The following PLXNB2 variants were observed in gnomAD, a reference collection of about 807,000 sequenced individuals.
PLXNB2 encodes the protein plexin B2, also known as plexin-B2.
PLXNB2 carries 85 observed loss-of-function variants against 202.6 expected under a neutral mutation model. The observed-to-expected ratio is 0.42, with a 90% CI of 0.35 to 0.50. The LOEUF is 0.50. Among genes scored for constraint, PLXNB2 ranks in the 20% least tolerant of loss-of-function variants. The probability of loss-of-function intolerance (pLI) is 0.02; values close to 1 mark genes in which losing one functional copy is unlikely to be tolerated. For missense variants in PLXNB2, 2,063 were observed against 2,586.2 expected, an observed-to-expected ratio of 0.80 and a Z score of 4.39; for synonymous variants, 1,239 against 1,137.6, an observed-to-expected ratio of 1.09 and a Z score of -1.79.
chr22:50,277,204 G>A lies in PLXNB2; in HGVS notation c.5197-298C>T, dbSNP rs1487365528. ...TAGTCCCAGCTACTCAGGAGGCAGC[G>A]GCGGGAAAATCGCTTGAACCTAGAA... On this transcript the variant is annotated intron_variant, in intron 33 of 36. Transcript: ENST00000359337. 4.6e-5 allele frequency among the ~76,000 whole-genome samples: 7 copies of A among 152,072 alleles called. 1 individual carries two copies. Among genetic ancestry groups the A allele is most frequent in the African/African-American group, 9.7e-5 (4 of 41,382 alleles).
intron 1 of PLXNB2, among the ~76,000 whole-genome samples, chr22:50,306,208 C>T (rs967666833): frequency 3.3e-5 from 5 of 152,194 alleles, no homozygotes; most frequent in African/African-American, 4.8e-5. Flanking sequence ...GGCAAGGAAC[C>T]CCTGGCCAGA....
chr22:50,278,885 A>T lies in PLXNB2; in HGVS notation c.4516T>A (p.Cys1506Ser). The change falls in exon 28 of 37, where the codon TGC (cysteine) becomes AGC (serine). Residue 1506 changes from cysteine (C) to serine (S), a missense_variant. Coordinates refer to ENST00000359337, the MANE Select transcript of PLXNB2 (RefSeq NM_012401.4). ...DQVYRGQPCS[C>S]WPRPDSVVLE... ...ACCACGCTGTCTGGCCTGGGCCAGCAGGAGCAGGGCTGCCCACGGTACACC... is the reference window on the plus strand; with the variant it reads ...ACCACGCTGTCTGGCCTGGGCCAGCTGGAGCAGGGCTGCCCACGGTACACC... The T allele has an allele frequency of 1.9e-6, 3 of 1,612,920 alleles. No individual in the cohort carries two copies. Among genetic ancestry groups the T allele is most frequent in the Non-Finnish European group, 2.5e-6 (3 of 1,179,454 alleles).
chr22:50,280,104 C>T, intron 25 of PLXNB2, 33 bp from the exon 26 acceptor site: 5 of 1,537,850 alleles, frequency 3.3e-6, no homozygotes, highest in Non-Finnish European at 3.5e-6. Context: ...TACCGAGTGA[C>T]CCCGTAGTAT....
intron 1 of PLXNB2, among the ~76,000 whole-genome samples, chr22:50,306,392 A>G (rs62241216): frequency 0.55 from 83,979 of 152,052 alleles, 24,060 homozygotes; most frequent in African/African-American, 0.71. Context: ...GCCCTCCGGG[A>G]GACCCTCACC....
In PLXNB2 at chr22:50,282,692, G is replaced by A. The variant is rs528477713; in HGVS notation, c.2987+19C>T. On this transcript the variant is annotated intron_variant, in intron 18 of 36. Transcript: ENST00000359337. The stretch of plus-strand genomic sequence containing the variant: ...CTGGGTGTGGGGAGCAGAGGGGGGC[G>A]GGGGGACACCAGCCTCACCTGGCAA... 28 of 1,563,250 alleles carry A rather than the reference G, an allele frequency of 1.8e-5. No homozygotes were observed. The highest frequency in any genetic ancestry group is 9.2e-5 in the East Asian group (4 of 43,306).
rs527357153 is a variant in PLXNB2, at chr22:50,288,896, G to A, written c.1252-25C>T. 2 of 1,612,918 alleles carry A rather than the reference G, an allele frequency of 1.2e-6. No individual in the cohort carries two copies. The highest frequency in any genetic ancestry group is 2.2e-5 in the East Asian group (1 of 44,862). ...CCTGTGTGCGCGAGGGCAGGCCGGT[G>A]AGGGTACGGGCCTTGTGCACAGACG... On this transcript the variant is annotated intron_variant, in intron 4 of 36. Coordinates refer to ENST00000359337, the MANE Select transcript of PLXNB2 (RefSeq NM_012401.4). The surrounding 1 kb of genome is among the most constrained non-coding windows in gnomAD (Gnocchi z 5.0).
At position 50,277,581 on chromosome 22, in the gene PLXNB2, C is replaced by T. The variant is rs139527301; in HGVS notation, c.5196+10G>A. On this transcript the variant is annotated intron_variant, in intron 33 of 36. Transcript: ENST00000359337. ...CCTCCCTGCCCCAGACCTGCCCCCA[C>T]CCCACTCACGCGGCTCAGCTTATGC... The T allele has an allele frequency of 0.019, 29,106 of 1,556,552 alleles. 337 individuals carry two copies. The highest frequency in any genetic ancestry group is 0.022 in the Non-Finnish European group (25,186 of 1,147,222).
chr22:50,292,951 C>CT (rs1342721997), intron 2 of PLXNB2, among the ~76,000 whole-genome samples: 1 of 134,880 alleles, frequency 7.4e-6, no homozygotes, highest in East Asian at 2.0e-4. Flanking sequence ...TGCTCAGCTG[C>CT]TGCCCAACCC....
At chr22:50,305,212 C>A (rs533839538) in intron 1 of PLXNB2, among the ~76,000 whole-genome samples, 1 of 152,222 alleles carries the variant, frequency 6.6e-6, no homozygotes, top group Non-Finnish European at 1.5e-5. Flanking sequence ...ACGGTGAGCA[C>A]GGACGACGTC....
In PLXNB2 at chr22:50,301,479, C is replaced by T. The variant is rs541478639; in HGVS notation, c.-74+6074G>A. 2.0e-4 allele frequency: 160 copies of T among 796,110 alleles called. 1 individual carries two copies. Among genetic ancestry groups the T allele is most frequent in the Middle Eastern group, 1.3e-3 (2 of 1,516 alleles). 49.3% of individuals were successfully genotyped at this position (796,110 alleles called of 1,614,324 possible). ...ACAGGACATGCGGTCAGACAGCAGG[C>T]GGCCACGGAGGGACTCTCGTGGGAT... On this transcript the variant is annotated intron_variant, in intron 1 of 36. Coordinates refer to ENST00000359337, the MANE Select transcript of PLXNB2 (RefSeq NM_012401.4).
At chr22:50,276,291 G>A (rs2065566821) in intron 35 of PLXNB2, among the ~76,000 whole-genome samples, 1 of 149,608 alleles carries the variant, frequency 6.7e-6, no homozygotes, top group Non-Finnish European at 1.5e-5. Flanking sequence ...CGCAGGGAGG[G>A]GGCGCTGTGG....
At chr22:50,295,741 C>G (rs2067215598) in intron 1 of PLXNB2, among the ~76,000 whole-genome samples, 1 of 152,072 alleles carries the variant, frequency 6.6e-6, no homozygotes, top group African/African-American at 2.4e-5. Flanking sequence ...GATGGGGAAG[C>G]CTGGGTGCAG....
chr22:50,276,976 G>A (rs957614220), intron 33 of PLXNB2, 70 bp from the exon 34 acceptor site: 4 of 1,161,518 alleles, frequency 3.4e-6, no homozygotes, highest in Non-Finnish European at 3.8e-6. Context: ...GTACCCCTGG[G>A]TAGCTTCCCC....
rs1157753906 is a variant in PLXNB2, at chr22:50,283,915, G to A, written c.2339C>T (p.Ala780Val). The change falls in exon 14 of 37, where the codon GCG (alanine) becomes GTG (valine). Residue 780 changes from alanine to valine, a missense_variant. Ala to Val is a moderately conservative substitution (Grantham distance 64). Coordinates refer to ENST00000359337, the MANE Select transcript of PLXNB2 (RefSeq NM_012401.4). Reference protein sequence around the residue: ...CRAANPDYRCAWCGGQSRCVY... With the variant: ...CRAANPDYRCVWCGGQSRCVY... The stretch of plus-strand genomic sequence containing the variant: ...GCACCTGCTCTGGCCCCCGCACCAC[G>A]CACACCTGTAGTCGGGGTTAGCGGC... 26 of 1,578,090 alleles carry A rather than the reference G, an allele frequency of 1.6e-5. No homozygotes were observed. In the East Asian group the frequency reaches 1.9e-4, roughly 11 times the overall value.
At chr22:50,303,124 C>T (rs955370472) in intron 1 of PLXNB2, among the ~76,000 whole-genome samples, 1 of 151,858 alleles carries the variant, frequency 6.6e-6, no homozygotes, top group Non-Finnish European at 1.5e-5. Flanking sequence ...CAGGAGAGAC[C>T]CCCCCACACT....
intron 1 of PLXNB2, among the ~76,000 whole-genome samples, chr22:50,299,521 C>G (rs2067528365): frequency 6.6e-6 from 1 of 152,208 alleles, no homozygotes; most frequent in South Asian, 2.1e-4. Context: ...TCCCAGAGCG[C>G]TAAACACATC....
chr22:50,290,444 G>A lies in PLXNB2; in HGVS notation c.141C>T (p.Tyr47=). 1 of 1,612,940 alleles carries A rather than the reference G, an allele frequency of 6.2e-7. No homozygotes were observed. Among genetic ancestry groups the A allele is most frequent in the Non-Finnish European group, 8.5e-7 (1 of 1,179,996 alleles). Residue 47 remains tyrosine, a synonymous_variant, in exon 3 of 37, where the codon TAC becomes TAT. Transcript: ENST00000359337. ...GGTAGAGGGCATTCACCGCCCCCAG[G>A]TACACCACGCCTGAGGCCTCATCCA... ...LAVDEASGVV[Y]LGAVNALYQL... is the part of the protein sequence containing the mutation.
In PLXNB2 at chr22:50,290,450, C is replaced by T; in HGVS notation, c.135G>A (p.Val45=). ...NHLAVDEASG[V]VYLGAVNALY... is the part of the protein sequence containing the mutation. ...GGGCATTCACCGCCCCCAGGTACAC[C>T]ACGCCTGAGGCCTCATCCACAGCCA... Residue 45 remains valine (V), a synonymous_variant, in exon 3 of 37, where the codon GTG becomes GTA. Transcript: ENST00000359337. 6.2e-7 allele frequency: 1 copy of T among 1,612,944 alleles called. No homozygotes were observed. The highest frequency in any genetic ancestry group is 8.5e-7 in the Non-Finnish European group (1 of 1,180,000).
In PLXNB2 at chr22:50,276,930, TGCCTGGCCAAGGG is replaced by T. The variant is rs774664407; in HGVS notation, c.5197-37_5197-25del. The T allele has an allele frequency of 3.2e-6, 5 of 1,573,878 alleles. No homozygotes were observed. The African/African-American group carries it at 6.7e-5, about 21-fold the overall frequency. ...TCCTGTTGGGGACAAAACCCAGTGA[TGCCTGGCCAAGGG>T]GGCCAGGCTGGGGCTGCTCAGAGTA... On this transcript the variant is annotated intron_variant, in intron 33 of 36. Transcript: ENST00000359337.
Sources: allele counts gnomAD v4.1 joint callset (sites outside exome capture counted in the v4.1 genomes callset), GRCh38; gene constraint gnomAD v4.1.1; non-coding constraint Gnocchi (gnomAD v3.1); transcripts MANE v1.5; gene names NCBI Gene and HGNC (gene_info 2026-07-23, HGNC 2026-07-21).